The following ZBED3 variants were observed in gnomAD, a reference collection of about 807,000 sequenced individuals.
ZBED3 encodes the protein zinc finger BED domain-containing protein 3.
For missense variants in ZBED3, 388 were observed against 362.9 expected, an observed-to-expected ratio of 1.07 and a Z score of -0.56; for synonymous variants, 175 against 180.0, an observed-to-expected ratio of 0.97 and a Z score of 0.22.
Position 77,077,312 on chromosome 5 carries a change from C to CCGCT in ZBED3, c.563_566dup (p.Glu190AlafsTer15). ...CCCGCAGCCGCGCCTGCAGCGCCTCCCGCTCGGCCTGCAGTTCCCGGCGCG... is the reference window on the plus strand; with the variant it reads ...CCCGCAGCCGCGCCTGCAGCGCCTCCCGCTCGCTCGGCCTGCAGTTCCCGGCGCG... On this transcript the variant is annotated frameshift_variant, in exon 3 of 3. Transcript: ENST00000255198. LOFTEE classifies it low-confidence loss of function (END_TRUNC). 1 of 1,317,082 alleles carries CCGCT rather than the reference C, an allele frequency of 7.6e-7. No homozygotes were observed. The highest frequency in any genetic ancestry group is 9.6e-7 in the Non-Finnish European group (1 of 1,038,886). 81.6% of individuals were successfully genotyped at this position (1,317,082 alleles called of 1,614,324 possible).
intron 1 of ZBED3, among the ~76,000 whole-genome samples, chr5:77,081,115 A>G (rs1743121108): frequency 1.3e-5 from 2 of 152,186 alleles, no homozygotes; most frequent in African/African-American, 4.8e-5. Flanking sequence ...TAACAGCTCC[A>G]CTGGCCAGGA....
intron 1 of ZBED3, among the ~76,000 whole-genome samples, chr5:77,082,675 T>C (rs924386039): frequency 2.6e-5 from 4 of 152,054 alleles, no homozygotes; most frequent in African/African-American, 7.3e-5. Context: ...GGAGATACTA[T>C]GGTTGAGGCA....
chr5:77,086,259 A>T (rs952135833), intron 1 of ZBED3, among the ~76,000 whole-genome samples: 3 of 152,100 alleles, frequency 2.0e-5, no homozygotes, highest in Non-Finnish European at 4.4e-5. Flanking sequence ...GATTTTTTTA[A>T]TTTAATTTTT....
At chr5:77,077,978 C>T (rs2150740812) in intron 2 of ZBED3, 83 bp from the exon 3 acceptor site, 1 of 1,013,972 alleles carries the variant, frequency 9.9e-7, no homozygotes, top group Middle Eastern at 3.6e-4. Context: ...GAAACCATGC[C>T]GCCCTCCATT....
rs1376757378 is a variant in ZBED3 at position 77,075,946 on chromosome 5, T to C, written c.*1228A>G. The C allele has an allele frequency of 6.2e-4, 16 of 25,652 alleles. 5 individuals carry two copies. The highest frequency in any genetic ancestry group is 1.8e-3 in the African/African-American group (12 of 6,518). 1.6% of individuals were successfully genotyped at this position (25,652 alleles called of 1,614,324 possible). A position where few individuals can be genotyped will look rare whatever the true frequency, so the allele number is the denominator to read the frequency against. On this transcript the variant is annotated 3_prime_UTR_variant, in exon 3 of 3. Transcript: ENST00000255198. ...TAGAACTTAAAGTATTATATATACA[T>C]ATATATATATATATATATATGTATA...
In ZBED3 at chr5:77,077,836, C is replaced by T; in HGVS notation, c.43G>A (p.Gly15Arg). The change falls in exon 3 of 3, where the codon GGG (glycine) becomes AGG (arginine). Residue 15 changes from glycine (G) to arginine (R), a missense_variant. Physicochemically the swap from Gly to Arg is moderately radical, Grantham distance 125. Transcript: ENST00000255198. Reference protein sequence around the residue: ...EPACTMDQARGLDDAAARGGQ... With the variant: ...EPACTMDQARRLDDAAARGGQ... ...CCCCGCGCCGCCGCGTCGTCCAGCC[C>T]GCGGGCCTGGTCCATGGTGCAGGCC... 1 of 1,293,428 alleles carries T rather than the reference C, an allele frequency of 7.7e-7. No homozygotes were observed. The highest frequency in any genetic ancestry group is 9.7e-7 in the Non-Finnish European group (1 of 1,026,432). The allele number at this position is 1,293,428 out of a possible 1,614,324, so 80.1% of individuals were successfully genotyped here. A position where few individuals can be genotyped will look rare whatever the true frequency, so the allele number is the denominator to read the frequency against.
At chr5:77,080,950 C>T (rs1490393317) in intron 1 of ZBED3, among the ~76,000 whole-genome samples, 2 of 152,176 alleles carry the variant, frequency 1.3e-5, no homozygotes, top group Admixed American at 6.5e-5. Flanking sequence ...ACAAAAAACT[C>T]GAGTGCATTT....
At position 77,077,677 on chromosome 5, in the gene ZBED3, TG is replaced by T; in HGVS notation, c.201del (p.Thr68ProfsTer26). The T allele has an allele frequency of 7.3e-7, 1 of 1,369,336 alleles. No individual in the cohort carries two copies. The highest frequency in any genetic ancestry group is 1.7e-5 in the South Asian group (1 of 59,576). The allele number at this position is 1,369,336 out of a possible 1,614,324, so 84.8% of individuals were successfully genotyped here. A position where few individuals can be genotyped will look rare whatever the true frequency, so the allele number is the denominator to read the frequency against. ...GRPGHPSGHW[A>X]TCRLCGEQVG... Reference sequence around the variant, plus strand: ...ACCTGCTCCCCGCACAGACGGCAGGTGGCCCAGTGGCCCGACGGATGCCCGG... The same window carrying T: ...ACCTGCTCCCCGCACAGACGGCAGGTGCCCAGTGGCCCGACGGATGCCCGG... On this transcript the variant is annotated frameshift_variant, in exon 3 of 3. Coordinates refer to ENST00000255198, the MANE Select transcript of ZBED3 (RefSeq NM_032367.4). LOFTEE classifies it low-confidence loss of function (END_TRUNC).
rs1456608084 is a variant in ZBED3, at chr5:77,077,683, A to G, written c.196T>C (p.Trp66Arg). Residue 66 changes from tryptophan to arginine, a missense_variant, in exon 3 of 3, where the codon TGG becomes CGG. Transcript: ENST00000255198. ...PGRPGHPSGH[W>R]ATCRLCGEQV... ...TCCCCGCACAGACGGCAGGTGGCCCAGTGGCCCGACGGATGCCCGGGGCGC... is the reference window on the plus strand; with the variant it reads ...TCCCCGCACAGACGGCAGGTGGCCCGGTGGCCCGACGGATGCCCGGGGCGC... 5.9e-6 allele frequency: 8 copies of G among 1,366,638 alleles called. No individual in the cohort carries two copies. Among genetic ancestry groups the G allele is most frequent in the Non-Finnish European group, 4.7e-6 (5 of 1,064,274 alleles). 84.7% of individuals were successfully genotyped at this position (1,366,638 alleles called of 1,614,324 possible).
chr5:77,079,914 C>T (rs1371005761), intron 1 of ZBED3, among the ~76,000 whole-genome samples: 1 of 152,178 alleles, frequency 6.6e-6, no homozygotes, highest in Non-Finnish European at 1.5e-5. Flanking sequence ...TTTTAATTAT[C>T]TAACTTTACC....
intron 1 of ZBED3, among the ~76,000 whole-genome samples, chr5:77,084,439 G>A (rs957006191): frequency 6.6e-6 from 1 of 152,144 alleles, no homozygotes; most frequent in Non-Finnish European, 1.5e-5. Flanking sequence ...AGCTCATGCC[G>A]CAGCCAGGTA....
intron 1 of ZBED3, among the ~76,000 whole-genome samples, chr5:77,086,376 G>C (rs1399024762): frequency 6.6e-6 from 1 of 151,814 alleles, no homozygotes; most frequent in Non-Finnish European, 1.5e-5. Flanking sequence ...CCTCCAAAAG[G>C]TGTCAGCATA....
rs567768937 is a variant in ZBED3 at position 77,075,951 on chromosome 5, A to G, written c.*1223T>C. 0.016 allele frequency: 524 copies of G among 33,520 alleles called. 118 individuals are homozygous for G. The highest frequency in any genetic ancestry group is 0.053 in the Middle Eastern group (6 of 114). 2.1% of individuals were successfully genotyped at this position (33,520 alleles called of 1,614,324 possible). ...CTTAAAGTATTATATATACATATAT[A>G]TATATATATATATATGTATATGTAT... On this transcript the variant is annotated 3_prime_UTR_variant, in exon 3 of 3. Transcript: ENST00000255198.
rs1743018784 is a variant in ZBED3, at chr5:77,077,040, A to G, written c.*134T>C. The G allele has an allele frequency of 4.9e-6, 3 of 607,466 alleles. No individual in the cohort carries two copies. The highest frequency in any genetic ancestry group is 7.3e-6 in the Non-Finnish European group (3 of 410,890). 37.6% of individuals were successfully genotyped at this position (607,466 alleles called of 1,614,324 possible). ...GAAGCCTTAGGGTGTGGAAGATCCT[A>G]CAGTTAGCTGGAGCTTCCGAGTGAG... On this transcript the variant is annotated 3_prime_UTR_variant, in exon 3 of 3. Transcript: ENST00000255198.
rs1207451008 is a variant in ZBED3 at position 77,077,773 on chromosome 5, T to TCGGCGTCGGCGC, written c.94_105dup (p.Ala32_Pro35dup). Reference sequence around the variant, plus strand: ...GGCGCCCCCAGGCGGCCGGGAGGCGTCGGCGTCGGCGCCGGCCCCAGTCCC... The same window carrying TCGGCGTCGGCGC: ...GGCGCCCCCAGGCGGCCGGGAGGCGTCGGCGTCGGCGCCGGCGTCGGCGCCGGCCCCAGTCCC... On this transcript the variant is annotated inframe_insertion, in exon 3 of 3. Coordinates refer to ENST00000255198, the MANE Select transcript of ZBED3 (RefSeq NM_032367.4). 1.5e-5 allele frequency: 20 copies of TCGGCGTCGGCGC among 1,314,430 alleles called. No homozygotes were observed. In the African/African-American group the frequency reaches 2.5e-4, roughly 16 times the overall value. The allele number at this position is 1,314,430 out of a possible 1,614,324, so 81.4% of individuals were successfully genotyped here.
At position 77,076,474 on chromosome 5, in the gene ZBED3, C is replaced by G. The variant is rs1561296722; in HGVS notation, c.*700G>C. 1 of 152,068 alleles carries G rather than the reference C, an allele frequency of 6.6e-6. No homozygotes were observed. Among genetic ancestry groups the G allele is most frequent in the Non-Finnish European group, 1.5e-5 (1 of 68,054 alleles). The allele number at this position is 152,068 out of a possible 1,614,324, so 9.4% of individuals were successfully genotyped here. A position where few individuals can be genotyped will look rare whatever the true frequency, so the allele number is the denominator to read the frequency against. On this transcript the variant is annotated 3_prime_UTR_variant, in exon 3 of 3. Transcript: ENST00000255198. ...CCTGAAAGTGGACATATGTGCCACA[C>G]TTGTCATTAGGTCTGAAGCAAGGGA...
At position 77,077,556 on chromosome 5, in the gene ZBED3, C is replaced by T; in HGVS notation, c.323G>A (p.Ser108Asn). ...RRELESSGAG[S>N]SPPAAPCPPP... is the part of the protein sequence containing the mutation. ...CGGGCAGGGCGCGGCAGGTGGGGAG[C>T]TCCCGGCGCCGCTGCTCTCCAGCTC... Residue 108 changes from serine (S) to asparagine (N), a missense_variant, in exon 3 of 3, where the codon AGC becomes AAC. Physicochemically the swap from Ser to Asn is conservative, Grantham distance 46. Transcript: ENST00000255198. 8.0e-6 allele frequency: 10 copies of T among 1,254,020 alleles called. No homozygotes were observed. The highest frequency in any genetic ancestry group is 9.0e-6 in the Non-Finnish European group (9 of 1,002,014). 77.7% of individuals were successfully genotyped at this position (1,254,020 alleles called of 1,614,324 possible).
At chr5:77,084,768 C>CAA (rs1410465768) in intron 1 of ZBED3, among the ~76,000 whole-genome samples, 1 of 152,208 alleles carries the variant, frequency 6.6e-6, no homozygotes, top group Non-Finnish European at 1.5e-5. Flanking sequence ...CCACAGGGCA[C>CAA]AAACGCATTG....
intron 2 of ZBED3, among the ~76,000 whole-genome samples, chr5:77,078,302 G>A (rs915663970): frequency 2.0e-5 from 3 of 152,332 alleles, no homozygotes; most frequent in Admixed American, 2.0e-4. Context: ...ATAACAGCTA[G>A]GCTCCCTTAT....
Sources: allele counts gnomAD v4.1 joint callset (sites outside exome capture counted in the v4.1 genomes callset), GRCh38; gene constraint gnomAD v4.1.1; transcripts MANE v1.5; gene names NCBI Gene and HGNC (gene_info 2026-07-23, HGNC 2026-07-21).